The following SEMA4D variants were observed in gnomAD, a reference collection of about 807,000 sequenced individuals.
SEMA4D encodes semaphorin 4D.
A neutral mutation model predicts 74.8 loss-of-function variants in SEMA4D; 22 were observed. The ratio of observed to expected loss-of-function variants is 0.29; its 90% CI spans 0.21 to 0.42. The LOEUF (loss-of-function observed/expected upper bound fraction) is 0.42. SEMA4D is among the 10% of genes least tolerant of loss of function. SEMA4D has a pLI of 1.00. For synonymous variants in SEMA4D, 445 were observed against 463.7 expected (o/e 0.96, Z 0.52); for missense variants, 937 against 1,118.4 (o/e 0.84, Z 2.31).
intron 2 of SEMA4D, among the ~76,000 whole-genome samples, chr9:89,425,031 T>C (rs1847815189): frequency 6.6e-6 from 1 of 152,158 alleles, no homozygotes; most frequent in Non-Finnish European, 1.5e-5. Flanking sequence ...CCTCTTTCTG[T>C]GGAACACCAA....
chr9:89,480,365 C>T (rs1452608619), intron 1 of SEMA4D, among the ~76,000 whole-genome samples: 1 of 152,254 alleles, frequency 6.6e-6, no homozygotes, highest in Non-Finnish European at 1.5e-5. Context: ...CCTAGTGGAT[C>T]CCGCACCGGG....
At position 89,457,208 on chromosome 9, in the gene SEMA4D, A is replaced by AGCCTGTGATGGGGTGGGGAAACCAGC. The variant is rs1588037033; in HGVS notation, c.-309-1281_-309-1256dup. On this transcript the variant is annotated intron_variant, in intron 1 of 15. Transcript: ENST00000422704. ...GCCTGTGATGGGGTGGAGCAACCAG[A>AGCCTGTGATGGGGTGGGGAAACCAGC]GCCTGTGATGGGGTGGGGAAACCAG... Among the ~76,000 whole-genome samples the AGCCTGTGATGGGGTGGGGAAACCAGC allele has an allele frequency of 4.6e-5, 7 of 152,188 alleles. No individual in the cohort carries two copies. In the East Asian group the frequency reaches 1.4e-3, roughly 29 times the overall value.
At chr9:89,400,329 ATC>A (rs1313021924) in intron 4 of SEMA4D, among the ~76,000 whole-genome samples, 1 of 152,258 alleles carries the variant, frequency 6.6e-6, no homozygotes. Flanking sequence ...TTCTATATCT[ATC>A]TCTGCCTCAC....
At chr9:89,483,568 C>T (rs547313045) in intron 1 of SEMA4D, among the ~76,000 whole-genome samples, 1 of 152,348 alleles carries the variant, frequency 6.6e-6, no homozygotes, top group Non-Finnish European at 1.5e-5. Context: ...CATTTCCATG[C>T]AGTTACACAT....
At chr9:89,458,098 T>C (rs569882364) in intron 1 of SEMA4D, among the ~76,000 whole-genome samples, 34 of 152,218 alleles carry the variant, frequency 2.2e-4, no homozygotes, top group Middle Eastern at 3.4e-3. Context: ...GAAAGGGAAC[T>C]GCCCAAGACA....
At chr9:89,494,531 T>C (rs1825863050) in intron 1 of SEMA4D, among the ~76,000 whole-genome samples, 2 of 152,234 alleles carry the variant, frequency 1.3e-5, no homozygotes, top group African/African-American at 4.8e-5. Flanking sequence ...TAGTCTACAC[T>C]AAGGAGTGAC....
At chr9:89,369,728 A>G (rs1380687732) in intron 16 of SEMA4D, among the ~76,000 whole-genome samples, 1 of 152,280 alleles carries the variant, frequency 6.6e-6, no homozygotes, top group Non-Finnish European at 1.5e-5. Context: ...TCAGACGAGC[A>G]GAGCTCGGCT....
chr9:89,366,057 A>G (rs1833612120), intron 16 of SEMA4D, among the ~76,000 whole-genome samples: 1 of 152,196 alleles, frequency 6.6e-6, no homozygotes, highest in Admixed American at 6.5e-5. Context: ...GGGCCCAGTG[A>G]AGCCCTGTTT....
chr9:89,376,669 C>G, downstream of SEMA4D: 1 of 1,023,620 alleles, frequency 9.8e-7, no homozygotes. Context: ...TCGGGATGGA[C>G]CCACAATGAA....
Position 89,450,660 on chromosome 9 carries a change from GAAAAAA to G in SEMA4D, c.-244+5222_-244+5227del, listed in dbSNP as rs71358578. On this transcript the variant is annotated intron_variant, in intron 2 of 15. Transcript: ENST00000422704. Reference sequence around the variant, plus strand: ...GAGTTCTGCAAGTCGAAAAACCCAGGAAAAAAAAAAAAAAAAAAAAAAAAAAAGGCC... The same window carrying G: ...GAGTTCTGCAAGTCGAAAAACCCAGGAAAAAAAAAAAAAAAAAAAAAGGCC... 858 of 430,160 alleles carry G rather than the reference GAAAAAA, an allele frequency of 2.0e-3. 14 individuals are homozygous for G. The highest frequency in any genetic ancestry group is 4.4e-3 in the African/African-American group (80 of 18,084). The allele number at this position is 430,160 out of a possible 1,614,324, so 26.6% of individuals were successfully genotyped here.
chr9:89,402,891 T>C lies in SEMA4D; in HGVS notation c.232A>G (p.Ile78Val), dbSNP rs150069292. The C allele has an allele frequency of 2.5e-6, 4 of 1,613,816 alleles. No individual in the cohort carries two copies. The highest frequency in any genetic ancestry group is 2.2e-5 in the South Asian group (2 of 91,072). Residue 78 changes from isoleucine (I) to valine (V), a missense_variant, in exon 4 of 16, where the codon ATC becomes GTC. By Grantham distance (29) the Ile-to-Val change is conservative (BLOSUM62 3). Coordinates refer to ENST00000422704, the MANE Select transcript of SEMA4D (RefSeq NM_001371194.2). ...EAVFAVNALNISEKQHEVYWK... is the reference protein window; with the variant it reads ...EAVFAVNALNVSEKQHEVYWK... ...CGTACCTCATGCTGCTTCTCGGAGA[T>C]GTTGAGTGCGTTCACAGCGAAGACC...
At position 89,386,555 on chromosome 9, in the gene SEMA4D, A is replaced by G; in HGVS notation, c.1331-73T>C. Reference sequence around the variant, plus strand: ...ACCAAGGACAGTGACCACAGCGGCAAACTTCACACTCTTCACTCTCAAGTC... The same window carrying G: ...ACCAAGGACAGTGACCACAGCGGCAGACTTCACACTCTTCACTCTCAAGTC... On this transcript the variant is annotated intron_variant, in intron 12 of 15. Coordinates refer to ENST00000422704, the MANE Select transcript of SEMA4D (RefSeq NM_001371194.2). 3 of 888,570 alleles carry G rather than the reference A, an allele frequency of 3.4e-6. No individual in the cohort carries two copies. The South Asian group carries it at 4.2e-5, about 12-fold the overall frequency. 55.0% of individuals were successfully genotyped at this position (888,570 alleles called of 1,614,324 possible).
At chr9:89,397,790 T>C (rs1313970581) in intron 5 of SEMA4D, among the ~76,000 whole-genome samples, 1 of 152,238 alleles carries the variant, frequency 6.6e-6, no homozygotes. Flanking sequence ...TAGACTTCTT[T>C]GGGTTTTCTT....
intron 16 of SEMA4D, chr9:89,367,184 TGA>T (rs967089067): frequency 6.6e-6 from 1 of 152,588 alleles, no homozygotes; most frequent in Non-Finnish European, 1.5e-5. Flanking sequence ...AGAGGGAAAG[TGA>T]GAGTTACCAT....
chr9:89,458,588 G>A (rs779889226), intron 1 of SEMA4D, among the ~76,000 whole-genome samples: 6 of 151,468 alleles, frequency 4.0e-5, no homozygotes, highest in South Asian at 2.1e-4. Flanking sequence ...ATGCACACAC[G>A]TATACACCTA....
At chr9:89,370,119 G>A (rs1375507565) in intron 16 of SEMA4D, among the ~76,000 whole-genome samples, 1 of 151,872 alleles carries the variant, frequency 6.6e-6, no homozygotes, top group African/African-American at 2.4e-5. Flanking sequence ...GTGTGTGTGT[G>A]TGGTGTGTGT....
At chr9:89,455,256 C>T (rs905903654) in intron 2 of SEMA4D, among the ~76,000 whole-genome samples, 3 of 152,254 alleles carry the variant, frequency 2.0e-5, no homozygotes, top group Non-Finnish European at 4.4e-5. Context: ...GCAGCCCCTT[C>T]GTCCACTCTG....
At chr9:89,439,099 C>T (rs1277248100) in intron 2 of SEMA4D, among the ~76,000 whole-genome samples, 5 of 148,412 alleles carry the variant, frequency 3.4e-5, no homozygotes, top group Middle Eastern at 3.5e-3. Context: ...CTCCTGCCTC[C>T]GCCTCCTGAG....
Position 89,484,346 on chromosome 9 carries a change from G to A in SEMA4D, c.-310+13573C>T, listed in dbSNP as rs1244925666. On this transcript the variant is annotated intron_variant, in intron 1 of 15. Coordinates refer to ENST00000422704, the MANE Select transcript of SEMA4D (RefSeq NM_001371194.2). The surrounding 1 kb of genome is among the most constrained non-coding windows in gnomAD (Gnocchi z 4.1). ...AGACTCCGATGCATACGGGGTATGT[G>A]TGTGCTGTGTGTGCTGCGGCACGTG... 2.0e-5 allele frequency among the ~76,000 whole-genome samples: 3 copies of A among 152,252 alleles called. No homozygotes were observed. The highest frequency in any genetic ancestry group is 7.2e-5 in the African/African-American group (3 of 41,468).
Sources: allele counts gnomAD v4.1 joint callset (sites outside exome capture counted in the v4.1 genomes callset), GRCh38; gene constraint gnomAD v4.1.1; non-coding constraint Gnocchi (gnomAD v3.1); transcripts MANE v1.5; gene names NCBI Gene and HGNC (gene_info 2026-07-23, HGNC 2026-07-21).